TANC2: variants seen among roughly 807,000 people sequenced by gnomAD.
TANC2 encodes protein TANC2.
A neutral mutation model predicts 210.5 loss-of-function variants in TANC2; 26 were observed. The observed-to-expected ratio is 0.12, with a 90% CI of 0.09 to 0.17. The LOEUF (loss-of-function observed/expected upper bound fraction) is 0.17. TANC2 is among the 10% of genes least tolerant of loss of function. The pLI is 1.00. For missense variants in TANC2, 2,129 were observed against 2,608.9 expected, an observed-to-expected ratio of 0.82 and a Z score of 4.01; for synonymous variants, 931 against 967.1, an observed-to-expected ratio of 0.96 and a Z score of 0.69.
intron 5 of TANC2, among the ~76,000 whole-genome samples, chr17:63,186,012 A>T (rs2040970155): frequency 6.6e-6 from 1 of 152,182 alleles, no homozygotes; most frequent in Admixed American, 6.5e-5. Flanking sequence ...ATAAAGTTAC[A>T]CTAAAAGGTC....
At chr17:63,293,552 G>A (rs2044443256) in intron 9 of TANC2, among the ~76,000 whole-genome samples, 1 of 152,136 alleles carries the variant, frequency 6.6e-6, no homozygotes, top group East Asian at 1.9e-4. Flanking sequence ...ATGATTCATG[G>A]TTGTTTTCCA....
At chr17:63,211,450 C>A (rs948042131) in intron 7 of TANC2, among the ~76,000 whole-genome samples, 3 of 151,802 alleles carry the variant, frequency 2.0e-5, no homozygotes, top group African/African-American at 7.3e-5. Flanking sequence ...ATCATTCTTA[C>A]TATGATATCC....
intron 1 of TANC2, among the ~76,000 whole-genome samples, chr17:62,993,673 T>A (rs2032975111): frequency 6.6e-6 from 1 of 152,164 alleles, no homozygotes; most frequent in Non-Finnish European, 1.5e-5. Context: ...ATGCCTGTAA[T>A]CCCAGGAATT....
In TANC2 at chr17:63,031,358, G is replaced by T. The variant is rs146889200; in HGVS notation, c.67+21732G>T. Among the ~76,000 whole-genome samples the T allele has an allele frequency of 1.3e-4, 20 of 152,174 alleles. No individual in the cohort carries two copies. In the East Asian group the frequency reaches 2.7e-3, roughly 21 times the overall value. On this transcript the variant is annotated intron_variant, in intron 2 of 27. Transcript: ENST00000689528. ...CCTAACCACAGAAGGCTTGGCTGGG[G>T]AATGTTCTTTGGGAGAAAGAGAATA...
chr17:63,100,810 T>C (rs576094048), intron 4 of TANC2, among the ~76,000 whole-genome samples: 2 of 152,292 alleles, frequency 1.3e-5, no homozygotes, highest in South Asian at 4.1e-4. Context: ...GAGATAACTA[T>C]TAAATATAAC....
At chr17:63,141,165 T>C (rs1426916679) in intron 4 of TANC2, among the ~76,000 whole-genome samples, 3 of 151,936 alleles carry the variant, frequency 2.0e-5, no homozygotes, top group Non-Finnish European at 4.4e-5. Context: ...ATGATTCTGT[T>C]TTCCCATCTG....
chr17:63,381,192 A>G (rs1486366136), intron 15 of TANC2: 1 of 152,234 alleles, frequency 6.6e-6, no homozygotes, highest in Non-Finnish European at 1.5e-5. Flanking sequence ...GCTTCATTTG[A>G]CGAAGTATTT....
chr17:63,076,135 T>C (rs2036564307), intron 3 of TANC2, among the ~76,000 whole-genome samples: 1 of 152,092 alleles, frequency 6.6e-6, no homozygotes, highest in Non-Finnish European at 1.5e-5. Flanking sequence ...TGAAGAAGCA[T>C]TGGGTTTCTG....
intron 9 of TANC2, among the ~76,000 whole-genome samples, chr17:63,294,597 T>C (rs1598794375): frequency 6.6e-6 from 1 of 152,196 alleles, no homozygotes; most frequent in Admixed American, 6.5e-5. Context: ...ATATACAAAA[T>C]GGAAGAATTT....
At chr17:62,983,534 G>T (rs923518356) in intron 1 of TANC2, among the ~76,000 whole-genome samples, 3 of 152,026 alleles carry the variant, frequency 2.0e-5, no homozygotes, top group South Asian at 2.1e-4. Context: ...GGGCATTCTT[G>T]TCTTGTTCTA....
At chr17:63,157,614 A>G (rs1215728548) in intron 5 of TANC2, among the ~76,000 whole-genome samples, 1 of 152,192 alleles carries the variant, frequency 6.6e-6, no homozygotes, top group African/African-American at 2.4e-5. Flanking sequence ...TTAATTTCCT[A>G]ATTTCCCTCT....
chr17:63,116,181 T>C (rs972010939), intron 4 of TANC2, among the ~76,000 whole-genome samples: 1 of 152,312 alleles, frequency 6.6e-6, no homozygotes, highest in Admixed American at 6.5e-5. Flanking sequence ...CAATTTCATA[T>C]AGAACTACCC....
At chr17:63,260,917 T>C (rs2043337088) in intron 8 of TANC2, among the ~76,000 whole-genome samples, 1 of 151,986 alleles carries the variant, frequency 6.6e-6, no homozygotes, top group Non-Finnish European at 1.5e-5. Flanking sequence ...TTTAACAGAA[T>C]AAGGGTTGAA....
At chr17:62,978,593 G>C (rs2032146738) in intron 1 of TANC2, 2 of 152,288 alleles carry the variant, frequency 1.3e-5, no homozygotes, top group African/African-American at 2.4e-5. Context: ...GGATGGTGTG[G>C]GTGATATCCA....
chr17:63,192,557 G>A (rs1156679940), intron 5 of TANC2, among the ~76,000 whole-genome samples: 4 of 152,158 alleles, frequency 2.6e-5, no homozygotes, highest in Non-Finnish European at 4.4e-5. Flanking sequence ...TTCCAGTGAG[G>A]AAGACACTGT....
At chr17:63,242,445 T>C (rs1489180175) in intron 8 of TANC2, among the ~76,000 whole-genome samples, 2 of 152,048 alleles carry the variant, frequency 1.3e-5, no homozygotes, top group African/African-American at 2.4e-5. Context: ...TATATACCTA[T>C]ACATGATCCT....
At chr17:63,197,402 C>T (rs1374458477) in intron 6 of TANC2, among the ~76,000 whole-genome samples, 1 of 152,080 alleles carries the variant, frequency 6.6e-6, no homozygotes, top group Non-Finnish European at 1.5e-5. Flanking sequence ...CTAAATTGAT[C>T]ATTTGAATTT....
At chr17:63,265,584 AAAGG>A (rs1165494931) in intron 8 of TANC2, among the ~76,000 whole-genome samples, 1 of 152,190 alleles carries the variant, frequency 6.6e-6, no homozygotes, top group Non-Finnish European at 1.5e-5. Context: ...AATATCCAGG[AAAGG>A]AAGGGAGATG....
chr17:63,205,561 A>G (rs2041683324), intron 7 of TANC2, among the ~76,000 whole-genome samples: 1 of 152,096 alleles, frequency 6.6e-6, no homozygotes, highest in South Asian at 2.1e-4. Flanking sequence ...AAAATAATAC[A>G]TTGGACTTGA....
Sources: gnomAD v4.1 joint callset for allele counts (sites outside exome capture counted in the v4.1 genomes callset) on GRCh38, gnomAD v4.1.1 for gene constraint, MANE v1.5 for transcripts, NCBI Gene and HGNC (gene_info 2026-07-23, HGNC 2026-07-21) for gene names.